The following TAFA2 variants were observed in gnomAD, a reference collection of about 807,000 sequenced individuals.
The protein encoded by TAFA2 is chemokine-like protein TAFA-2.
Under a neutral mutation model 18.8 loss-of-function variants are expected in TAFA2, and 7 were observed. That is an observed-to-expected ratio of 0.37 (90% CI 0.21 to 0.70). The LOEUF is 0.70. Ranked by LOEUF, TAFA2 falls within the 30% of genes least tolerant of loss-of-function variation. TAFA2 has a pLI of 0.53. For synonymous variants in TAFA2, 60 were observed against 54.2 expected (o/e 1.11, Z -0.47); for missense variants, 122 against 158.1 (o/e 0.77, Z 1.23).
chr12:61,927,069 G>GAAAAAAAAAAAAAAAAAA (rs56908081), intron 1 of TAFA2, among the ~76,000 whole-genome samples: 3 of 69,906 alleles, frequency 4.3e-5, no homozygotes, highest in Non-Finnish European at 5.2e-5. Flanking sequence ...GTGAGACTCT[G>GAAAAAAAAAAAAAAAAAA]AAAAAAAAAA....
At chr12:61,823,784 G>C (rs907125305) in intron 2 of TAFA2, among the ~76,000 whole-genome samples, 11 of 152,046 alleles carry the variant, frequency 7.2e-5, no homozygotes, top group African/African-American at 2.7e-4. Context: ...AGGAAAATGG[G>C]AGGAGAGTGC....
intron 2 of TAFA2, among the ~76,000 whole-genome samples, chr12:61,802,505 A>C (rs1463438484): frequency 6.6e-6 from 1 of 152,248 alleles, no homozygotes; most frequent in East Asian, 1.9e-4. Context: ...AGTCAGGCAC[A>C]GAAGGATAAA....
chr12:62,162,028 A>G (rs1361469744), intron 1 of TAFA2, among the ~76,000 whole-genome samples: 1 of 152,200 alleles, frequency 6.6e-6, no homozygotes, highest in Non-Finnish European at 1.5e-5. Context: ...ACTTGCTGAA[A>G]TGTGTTAAGT....
chr12:62,129,791 T>G (rs1430465637), intron 1 of TAFA2, among the ~76,000 whole-genome samples: 2 of 151,882 alleles, frequency 1.3e-5, no homozygotes, highest in Non-Finnish European at 2.9e-5. Context: ...CTTCCTTTCA[T>G]CCCCAGGACA....
intron 1 of TAFA2, among the ~76,000 whole-genome samples, chr12:62,037,250 A>G (rs1881633788): frequency 6.6e-6 from 1 of 152,210 alleles, no homozygotes. Context: ...CTGTGCTCGA[A>G]AACTATTGCC....
intron 1 of TAFA2, among the ~76,000 whole-genome samples, chr12:62,153,723 T>C (rs776877924): frequency 1.3e-4 from 20 of 150,884 alleles, no homozygotes; most frequent in Admixed American, 3.3e-4. Flanking sequence ...TGTCGTATAG[T>C]GGAAAAGAGT....
rs184251960 is a variant in TAFA2, at chr12:62,032,172, T to C, written c.-2+159087A>G. Among the ~76,000 whole-genome samples the C allele has an allele frequency of 1.0e-3, 152 of 152,250 alleles. 1 individual carries two copies. Among genetic ancestry groups the C allele is most frequent in the African/African-American group, 3.3e-3 (138 of 41,534 alleles). On this transcript the variant is annotated intron_variant, in intron 1 of 4. Coordinates refer to ENST00000416284, the MANE Select transcript of TAFA2 (RefSeq NM_178539.5). ...CACGGTGAATGATGAATTGCAAACA[T>C]CTCTCTTGGCAATTTTAACAATAAC...
chr12:62,212,052 T>C (rs2062716218), intron 1 of TAFA2, among the ~76,000 whole-genome samples: 1 of 152,184 alleles, frequency 6.6e-6, no homozygotes, highest in Admixed American at 6.5e-5. Context: ...AATTATCAAC[T>C]AGTATGAAAC....
intron 1 of TAFA2, among the ~76,000 whole-genome samples, chr12:62,143,671 AC>A (rs1296025775): frequency 6.6e-6 from 1 of 151,790 alleles, no homozygotes; most frequent in Non-Finnish European, 1.5e-5. Flanking sequence ...GCCTCTGCCC[AC>A]CCCCCACAAC....
chr12:61,739,554 AATAGG>A (rs1353882879), intron 4 of TAFA2, among the ~76,000 whole-genome samples: 4 of 152,060 alleles, frequency 2.6e-5, no homozygotes, highest in Admixed American at 6.6e-5. Context: ...AGTTTTACTG[AATAGG>A]ATCTCCTTAG....
intron 1 of TAFA2, among the ~76,000 whole-genome samples, chr12:62,183,736 A>G (rs1018271590): frequency 6.6e-6 from 1 of 152,224 alleles, no homozygotes; most frequent in Non-Finnish European, 1.5e-5. Flanking sequence ...ACAGTGCCCA[A>G]TAAATACTTA....
At chr12:61,745,247 C>A (rs1186153699) in intron 4 of TAFA2, among the ~76,000 whole-genome samples, 2 of 152,112 alleles carry the variant, frequency 1.3e-5, no homozygotes, top group South Asian at 4.1e-4. Flanking sequence ...CTCCATCTCA[C>A]ATAATGGCAA....
chr12:62,051,699 T>C (rs1882058865), intron 1 of TAFA2, among the ~76,000 whole-genome samples: 1 of 151,806 alleles, frequency 6.6e-6, no homozygotes, highest in Non-Finnish European at 1.5e-5. Context: ...ACCTGTCACC[T>C]GTCCATGAGG....
chr12:62,147,868 GA>G, intron 1 of TAFA2, among the ~76,000 whole-genome samples: 1 of 150,844 alleles, frequency 6.6e-6, no homozygotes, highest in Non-Finnish European at 1.5e-5. Context: ...ACATCAACAA[GA>G]AAAAAATAAC....
intron 1 of TAFA2, among the ~76,000 whole-genome samples, chr12:61,897,381 G>A (rs1486170677): frequency 6.6e-6 from 1 of 152,060 alleles, no homozygotes; most frequent in African/African-American, 2.4e-5. Flanking sequence ...TGATATAGTA[G>A]TCCATTTTCA....
chr12:61,991,085 T>G (rs1454936131), intron 1 of TAFA2, among the ~76,000 whole-genome samples: 1 of 152,204 alleles, frequency 6.6e-6, no homozygotes, highest in African/African-American at 2.4e-5. Flanking sequence ...TACTTTATGC[T>G]CTTTTCTGGA....
At chr12:61,797,640 T>A (rs1378855185) in intron 2 of TAFA2, among the ~76,000 whole-genome samples, 1 of 152,170 alleles carries the variant, frequency 6.6e-6, no homozygotes, top group African/African-American at 2.4e-5. Flanking sequence ...GAATTCAGCC[T>A]CCTTGGTTTA....
intron 1 of TAFA2, among the ~76,000 whole-genome samples, chr12:62,073,469 G>A (rs1039197075): frequency 2.0e-5 from 3 of 150,678 alleles, no homozygotes; most frequent in African/African-American, 7.3e-5. Flanking sequence ...CTTTGAGGTA[G>A]GTGTTATATT....
At chr12:62,150,243 T>C (rs185823352) in intron 1 of TAFA2, among the ~76,000 whole-genome samples, 1 of 152,320 alleles carries the variant, frequency 6.6e-6, no homozygotes, top group East Asian at 1.9e-4. Flanking sequence ...CTTGGATGAG[T>C]ACCTCTTGTT....
Sources: gnomAD v4.1 joint callset for allele counts (sites outside exome capture counted in the v4.1 genomes callset) on GRCh38, gnomAD v4.1.1 for gene constraint, MANE v1.5 for transcripts, NCBI Gene and HGNC (gene_info 2026-07-23, HGNC 2026-07-21) for gene names.